CKAP2: variants seen among roughly 807,000 people sequenced by gnomAD.
CKAP2 encodes cytoskeleton associated protein 2.
Under a neutral mutation model 58.4 loss-of-function variants are expected in CKAP2, and 46 were observed. The ratio of observed to expected loss-of-function variants is 0.79; its 90% CI spans 0.62 to 1.01. The LOEUF (loss-of-function observed/expected upper bound fraction) is 1.01. CKAP2 is among the 50% of genes least tolerant of loss of function. The pLI is 0.00. For missense variants in CKAP2, 809 were observed against 796.4 expected, an observed-to-expected ratio of 1.02 and a Z score of -0.19; for synonymous variants, 293 against 280.9, an observed-to-expected ratio of 1.04 and a Z score of -0.43.
rs781417782 is a variant in CKAP2 at position 52,456,713 on chromosome 13, C to T, written c.155+106C>T. ...GTAATTTTAAATTTTCTAGTAGCCA[C>T]ATTTAGAAAAACTGCTTACATATTA... On this transcript the variant is annotated intron_variant, in intron 2 of 8. Coordinates refer to ENST00000258607, the MANE Select transcript of CKAP2 (RefSeq NM_018204.5). The T allele has an allele frequency of 8.5e-6, 7 of 826,414 alleles. 1 individual carries two copies. The highest frequency in any genetic ancestry group is 1.4e-5 in the Non-Finnish European group (7 of 515,750). The allele number at this position is 826,414 out of a possible 1,614,324, so 51.2% of individuals were successfully genotyped here. A position where few individuals can be genotyped will look rare whatever the true frequency, so the allele number is the denominator to read the frequency against.
rs141769986 is a variant in CKAP2 at position 52,461,914 on chromosome 13, C to T, written c.1088C>T (p.Ser363Leu). ...DSRSAQPKET[S>L]EERKARLSEW... Reference sequence around the variant, plus strand: ...AGATCAGCTCAGCCCAAAGAAACCTCGGAAGAGAGAAAGTAAGTAGATATA... The same window carrying T: ...AGATCAGCTCAGCCCAAAGAAACCTTGGAAGAGAGAAAGTAAGTAGATATA... The change falls in exon 4 of 9, where the codon TCG (serine) becomes TTG (leucine). Residue 363 changes from serine (S) to leucine (L), a missense_variant. Ser to Leu is a moderately radical substitution (Grantham distance 145). This residue lies in a region of CKAP2 where 523 missense variants were observed against 492.4 expected (regional missense o/e 1.06). Transcript: ENST00000258607. The T allele has an allele frequency of 5.5e-5, 88 of 1,590,588 alleles. 1 individual carries two copies. Among genetic ancestry groups the T allele is most frequent in the Non-Finnish European group, 7.3e-5 (86 of 1,172,254 alleles).
rs1294569635 is a variant in CKAP2 at position 52,475,839 on chromosome 13, A to G, written c.*698A>G. On this transcript the variant is annotated 3_prime_UTR_variant, in exon 9 of 9. Coordinates refer to ENST00000258607, the MANE Select transcript of CKAP2 (RefSeq NM_018204.5). ...AATTAAATACCGCATTTCTAAGAGA[A>G]GATACTTTGTGTAAGAAAAGATGCC... 1 of 152,242 alleles carries G rather than the reference A, an allele frequency of 6.6e-6. No homozygotes were observed. Among genetic ancestry groups the G allele is most frequent in the Non-Finnish European group, 1.5e-5 (1 of 68,038 alleles). The allele number at this position is 152,242 out of a possible 1,614,324, so 9.4% of individuals were successfully genotyped here.
intron 7 of CKAP2, among the ~76,000 whole-genome samples, chr13:52,472,450 T>C (rs1000320568): frequency 6.6e-6 from 1 of 152,230 alleles, no homozygotes; most frequent in African/African-American, 2.4e-5. Flanking sequence ...AAACTTCTCT[T>C]AGTAAAAATT....
chr13:52,461,662 C>A lies in CKAP2; in HGVS notation c.836C>A (p.Thr279Lys), dbSNP rs1324438382. The A allele has an allele frequency of 1.2e-6, 2 of 1,614,144 alleles. No individual in the cohort carries two copies. The highest frequency in any genetic ancestry group is 2.2e-5 in the East Asian group (1 of 44,880). ...ATCAGTAGAACTTCTGCCAATGTTA[C>A]AATCCGGAAAGGGCCTCATGAAAAA... ...QGISRTSANV[T>K]IRKGPHEKEL... is the part of the protein sequence containing the mutation. The change falls in exon 4 of 9, where the codon ACA becomes AAA. Residue 279 changes from threonine (T) to lysine (K), a missense_variant. Thr to Lys is a moderately conservative substitution (Grantham distance 78, BLOSUM62 -1). Around this residue, in one of 3 missense-constraint regions of CKAP2, gnomAD observed 523 missense variants for 492.4 expected, o/e 1.06. Transcript: ENST00000258607.
At chr13:52,470,209 G>A (rs1481255663) in intron 7 of CKAP2, among the ~76,000 whole-genome samples, 2 of 150,962 alleles carry the variant, frequency 1.3e-5, no homozygotes, top group South Asian at 2.1e-4. Flanking sequence ...GGGTTCAAGC[G>A]ATTCTCCCGC....
chr13:52,461,278 AC>A lies in CKAP2; in HGVS notation c.453del (p.Asn151LysfsTer8), dbSNP rs1958570811. 1 of 1,613,542 alleles carries A rather than the reference AC, an allele frequency of 6.2e-7. No individual in the cohort carries two copies. The highest frequency in any genetic ancestry group is 1.1e-5 in the South Asian group (1 of 90,920). ...TTAAGCCAGGCATTTCACCTTAAAAACAATAGTAAAAAGAAACAAATGACTA... is the reference window on the plus strand; with the variant it reads ...TTAAGCCAGGCATTTCACCTTAAAAAAATAGTAAAAAGAAACAAATGACTA... ...MTLSQAFHLK[N>X]NSKKKQMTTE... On this transcript the variant is annotated frameshift_variant, in exon 4 of 9. Coordinates refer to ENST00000258607, the MANE Select transcript of CKAP2 (RefSeq NM_018204.5). LOFTEE classifies it high-confidence loss of function.
intron 6 of CKAP2, among the ~76,000 whole-genome samples, chr13:52,466,046 C>T (rs999986512): frequency 1.3e-4 from 20 of 151,748 alleles, no homozygotes; most frequent in Non-Finnish European, 2.6e-4. Flanking sequence ...TATATACACA[C>T]ACACATATAT....
intron 8 of CKAP2, 146 bp downstream of exon 8, chr13:52,474,230 A>G (rs1310643597): frequency 2.5e-6 from 2 of 791,438 alleles, no homozygotes; most frequent in African/African-American, 1.7e-5. Flanking sequence ...TCACGCCTGT[A>G]ATTTCAGCAC....
chr13:52,468,952 A>T (rs893563157), intron 7 of CKAP2, among the ~76,000 whole-genome samples: 1 of 152,208 alleles, frequency 6.6e-6, no homozygotes, highest in African/African-American at 2.4e-5. Flanking sequence ...GAATCGCCAC[A>T]CTGTCTTCCA....
At position 52,461,341 on chromosome 13, in the gene CKAP2, A is replaced by G; in HGVS notation, c.515A>G (p.Lys172Arg). 6.2e-7 allele frequency: 1 copy of G among 1,614,200 alleles called. No individual in the cohort carries two copies. Among genetic ancestry groups the G allele is most frequent in the Non-Finnish European group, 8.5e-7 (1 of 1,180,028 alleles). ...KQKQDANMPK[K>R]PVLGSYRGQI... The stretch of plus-strand genomic sequence containing the variant: ...AAGCAAGATGCTAACATGCCCAAGA[A>G]ACCTGTGCTTGGATCTTATCGTGGC... The change falls in exon 4 of 9, where the codon AAA becomes AGA. Residue 172 changes from lysine to arginine, a missense_variant. Physicochemically the swap from Lys to Arg is conservative, Grantham distance 26. This residue lies in a region of CKAP2 where 523 missense variants were observed against 492.4 expected (regional missense o/e 1.06). Coordinates refer to ENST00000258607, the MANE Select transcript of CKAP2 (RefSeq NM_018204.5).
At chr13:52,458,531 G>A (rs1319324405) in intron 2 of CKAP2, among the ~76,000 whole-genome samples, 1 of 152,158 alleles carries the variant, frequency 6.6e-6, no homozygotes, top group Non-Finnish European at 1.5e-5. Context: ...ATTCTAAAAC[G>A]CTTCATGTGG....
chr13:52,468,779 G>T (rs139667392), intron 7 of CKAP2, among the ~76,000 whole-genome samples: 1 of 152,238 alleles, frequency 6.6e-6, no homozygotes, highest in East Asian at 1.9e-4. Flanking sequence ...GTCTATCATT[G>T]ATGGGCATCT....
rs1486854082 is a variant in CKAP2 at position 52,461,177 on chromosome 13, A to G, written c.351A>G (p.Thr117=). The part of the protein sequence containing the change: ...ELTNSTVVID[T]HKPKDSNQTP... ...CCAATTCAACTGTAGTAATTGACAC[A>G]CATAAACCTAAGGATAGTAATCAAA... The change falls in exon 4 of 9, where the codon ACA becomes ACG. Residue 117 remains threonine (T), a synonymous_variant. Coordinates refer to ENST00000258607, the MANE Select transcript of CKAP2 (RefSeq NM_018204.5). 1.2e-6 allele frequency: 2 copies of G among 1,613,844 alleles called. No homozygotes were observed. The highest frequency in any genetic ancestry group is 1.7e-6 in the Non-Finnish European group (2 of 1,180,000).
At chr13:52,466,905 G>A (rs1351489988) in intron 6 of CKAP2, among the ~76,000 whole-genome samples, 2 of 152,006 alleles carry the variant, frequency 1.3e-5, no homozygotes, top group African/African-American at 2.4e-5. Context: ...AGACCAGCCT[G>A]GGCAAGAGGG....
rs369389198 is a variant in CKAP2 at position 52,468,387 on chromosome 13, GTTT to G, written c.1546+47_1546+49del. 5,151 of 1,182,852 alleles carry G rather than the reference GTTT, an allele frequency of 4.4e-3. 43 individuals are homozygous for G. The highest frequency in any genetic ancestry group is 0.019 in the Middle Eastern group (92 of 4,824). 73.3% of individuals were successfully genotyped at this position (1,182,852 alleles called of 1,614,324 possible). A position where few individuals can be genotyped will look rare whatever the true frequency, so the allele number is the denominator to read the frequency against. On this transcript the variant is annotated intron_variant, in intron 7 of 8. Transcript: ENST00000258607. ...TTTTATTTCCTTCATGTGAACTGTA[GTTT>G]TTTTTTGTTGTTGTTTTTTAACTTT...
chr13:52,459,583 A>G (rs996931919), intron 2 of CKAP2, among the ~76,000 whole-genome samples: 1 of 151,584 alleles, frequency 6.6e-6, no homozygotes, highest in African/African-American at 2.4e-5. Context: ...TTCTCTACCC[A>G]GAGTGCTAGG....
rs1193609518 is a variant in CKAP2 at position 52,475,684 on chromosome 13, T to C, written c.*543T>C. 1 of 152,418 alleles carries C rather than the reference T, an allele frequency of 6.6e-6. No homozygotes were observed. Among genetic ancestry groups the C allele is most frequent in the East Asian group, 1.9e-4 (1 of 5,200 alleles). The allele number at this position is 152,418 out of a possible 1,614,324, so 9.4% of individuals were successfully genotyped here. ...CTTACCAAATTCATGTTACCCAGAC[T>C]TGTGTTCTCTTGCGTCCCTTGGACT... On this transcript the variant is annotated 3_prime_UTR_variant, in exon 9 of 9. Transcript: ENST00000258607.
chr13:52,471,509 A>T (rs1259329331), intron 7 of CKAP2, among the ~76,000 whole-genome samples: 2 of 135,348 alleles, frequency 1.5e-5, no homozygotes, highest in Admixed American at 7.2e-5. Flanking sequence ...GAAGAGGGTT[A>T]AAAAAAAAAA....
At chr13:52,457,184 C>G (rs768444886) in intron 2 of CKAP2, among the ~76,000 whole-genome samples, 1 of 152,054 alleles carries the variant, frequency 6.6e-6, no homozygotes, top group Non-Finnish European at 1.5e-5. Context: ...GATGAGCCAC[C>G]GCGCCCGGCC....
Sources: gnomAD v4.1 joint callset for allele counts (sites outside exome capture counted in the v4.1 genomes callset) on GRCh38, gnomAD v4.1.1 for gene constraint, gnomAD v4.1.1 regional missense constraint, MANE v1.5 for transcripts, NCBI Gene and HGNC (gene_info 2026-07-23, HGNC 2026-07-21) for gene names.